Variants in FTCD observed in about 807,000 individuals in gnomAD.
The protein encoded by FTCD is formimidoyltransferase-cyclodeaminase.
Under a neutral mutation model 62.9 loss-of-function variants are expected in FTCD, and 76 were observed. That is an observed-to-expected ratio of 1.21 (90% CI 1.00 to 1.46). The LOEUF (loss-of-function observed/expected upper bound fraction) is 1.46, where lower values mean the gene tolerates loss of function less well. FTCD is among the 40% of genes most tolerant of loss of function. The probability of loss-of-function intolerance (pLI) is 0.00; values close to 1 mark genes in which losing one functional copy is unlikely to be tolerated. For missense variants in FTCD, 845 were observed against 751.3 expected, an observed-to-expected ratio of 1.12 and a Z score of -1.46; for synonymous variants, 397 against 336.9, an observed-to-expected ratio of 1.18 and a Z score of -1.95.
At position 46,150,072 on chromosome 21, in the gene FTCD, C is replaced by A. The variant is rs1454320327; in HGVS notation, c.906+47G>T. On this transcript the variant is annotated intron_variant, in intron 7 of 13. Transcript: ENST00000397746. Reference sequence around the variant, plus strand: ...GTGAGCTCCGCCACCGCCTCCCCACCCTCCCTGCACGCCCCTGTCCGACCC... The same window carrying A: ...GTGAGCTCCGCCACCGCCTCCCCACACTCCCTGCACGCCCCTGTCCGACCC... 1.9e-6 allele frequency: 3 copies of A among 1,568,320 alleles called. No homozygotes were observed. In the South Asian group the frequency reaches 3.4e-5, roughly 18 times the overall value.
intron 7 of FTCD, among the ~76,000 whole-genome samples, chr21:46,147,790 A>G (rs1392318567): frequency 6.6e-6 from 1 of 151,904 alleles, no homozygotes; most frequent in Non-Finnish European, 1.5e-5. Context: ...AAAAAAATAC[A>G]AAAATTAGCC....
In FTCD at chr21:46,150,379, C is replaced by T. The variant is rs539893640; in HGVS notation, c.774+9G>A. On this transcript the variant is annotated intron_variant, in intron 6 of 13. Transcript: ENST00000397746. ...CCCTCACAGCAGCAGCGGCTGCTCC[C>T]GGGCTCACCTGTGCTTCTCGGCAGG... The T allele has an allele frequency of 6.8e-6, 11 of 1,612,702 alleles. No individual in the cohort carries two copies. The highest frequency in any genetic ancestry group is 1.3e-5 in the African/African-American group (1 of 75,032).
chr21:46,155,460 C>T lies in FTCD; in HGVS notation c.54+10G>A, dbSNP rs201830431. ...AGCCCTAGATGCTTGACCAGCTCCT[C>T]GGGCCTCACCTCCTGGTTCTTCCCC... On this transcript the variant is annotated intron_variant, in intron 1 of 13. Transcript: ENST00000397746. 7.0e-5 allele frequency: 112 copies of T among 1,610,164 alleles called. No homozygotes were observed. The highest frequency in any genetic ancestry group is 5.0e-4 in the Middle Eastern group (3 of 6,060).
intron 12 of FTCD, among the ~76,000 whole-genome samples, chr21:46,138,188 G>A (rs111285089): frequency 2.0e-5 from 3 of 152,316 alleles, no homozygotes; most frequent in African/African-American, 7.2e-5. Flanking sequence ...ATTGTGCCTG[G>A]GCTGACATAG....
intron 2 of FTCD, 64 bp from the exon 3 acceptor site, chr21:46,153,099 G>A: frequency 6.7e-7 from 1 of 1,499,220 alleles, no homozygotes; most frequent in Non-Finnish European, 9.0e-7. Context: ...GCTCCACGGG[G>A]TTCTCGGACC....
intron 7 of FTCD, 92 bp from the exon 8 acceptor site, chr21:46,146,419 G>A: frequency 4.7e-6 from 4 of 855,830 alleles, no homozygotes; most frequent in East Asian, 2.6e-5. Flanking sequence ...TGCGGCAGCC[G>A]CCCCCTGCCC....
intron 10 of FTCD, chr21:46,142,807 C>T (rs972682690): frequency 6.6e-6 from 1 of 152,210 alleles, no homozygotes; most frequent in Non-Finnish European, 1.5e-5. Context: ...GTCCATTTTA[C>T]AGAGTGCTGA....
intron 10 of FTCD, among the ~76,000 whole-genome samples, chr21:46,140,987 C>G (rs555934849): frequency 6.6e-6 from 1 of 152,336 alleles, no homozygotes; most frequent in East Asian, 1.9e-4. Flanking sequence ...CTAGCACAGT[C>G]TCACTGTCCC....
In FTCD at chr21:46,150,196, C is replaced by G. The variant is rs2079233775; in HGVS notation, c.829G>C (p.Ala277Pro). 6.2e-7 allele frequency: 1 copy of G among 1,609,832 alleles called. No individual in the cohort carries two copies. Among genetic ancestry groups the G allele is most frequent in the Non-Finnish European group, 8.5e-7 (1 of 1,178,768 alleles). The stretch of plus-strand genomic sequence containing the variant: ...TAGAAGGCGGCCGCATCCAGCAGAG[C>G]CTTCAGGGGCACCAGGCCCACCAGC... ...SQLVGLVPLK[A>P]LLDAAAFYCE... The change falls in exon 7 of 14, where the codon GCT (alanine) becomes CCT (proline). Residue 277 changes from alanine to proline, a missense_variant. By Grantham distance (27) the Ala-to-Pro change is conservative (BLOSUM62 -1). Transcript: ENST00000397746.
At chr21:46,138,428 C>T in intron 12 of FTCD, 80 bp downstream of exon 12, 1 of 1,403,146 alleles carries the variant, frequency 7.1e-7, no homozygotes, top group Non-Finnish European at 9.7e-7. Flanking sequence ...CAGCCAACCA[C>T]CGTGCTCTCC....
chr21:46,136,434 G>A (rs759380899), downstream of FTCD: 4 of 1,612,464 alleles, frequency 2.5e-6, no homozygotes, highest in Admixed American at 3.3e-5. Context: ...CCTGCCGGGA[G>A]CTGCACCTGG....
At chr21:46,139,633 C>T (rs938739435) in intron 10 of FTCD, among the ~76,000 whole-genome samples, 2 of 152,246 alleles carry the variant, frequency 1.3e-5, no homozygotes, top group South Asian at 2.1e-4. Flanking sequence ...CCCCTACCCT[C>T]GACCATGGAT....
At chr21:46,150,081 A>T (rs2123554276) in intron 7 of FTCD, 38 bp downstream of exon 7, 3 of 1,332,178 alleles carry the variant, frequency 2.3e-6, no homozygotes, top group Non-Finnish European at 3.1e-6. Flanking sequence ...CCCTCCCTGC[A>T]CGCCCCTGTC....
At chr21:46,146,410 G>A in intron 7 of FTCD, 83 bp from the exon 8 acceptor site, 1 of 933,398 alleles carries the variant, frequency 1.1e-6, no homozygotes, top group Non-Finnish European at 1.7e-6. Context: ...TCCCACCCTT[G>A]CGGCAGCCGC....
intron 7 of FTCD, among the ~76,000 whole-genome samples, chr21:46,147,933 G>A (rs2010958): frequency 0.9 from 130,256 of 144,284 alleles, 59,029 homozygotes; most frequent in East Asian, 1. Context: ...ACAAAGTGAG[G>A]CTCCATCTCA....
intron 10 of FTCD, among the ~76,000 whole-genome samples, chr21:46,141,912 G>A (rs1321456997): frequency 2.0e-5 from 3 of 152,292 alleles, no homozygotes; most frequent in Non-Finnish European, 2.9e-5. Context: ...TGGGTGCCCT[G>A]GGCCCCCCCG....
chr21:46,146,276 G>A lies in FTCD; in HGVS notation c.958C>T (p.Arg320Trp). The A allele has an allele frequency of 1.2e-6, 2 of 1,600,740 alleles. No homozygotes were observed. Among genetic ancestry groups the A allele is most frequent in the Non-Finnish European group, 1.7e-6 (2 of 1,172,310 alleles). The part of the protein sequence containing the change: ...DSLCPFSPKE[R>W]IIEYLVPERG... ...AGGGCAGAGGCTCACTCGATGATCC[G>A]CTCCTTAGGGCTGAAGGGGCACAGG... The change falls in exon 8 of 14, where the codon CGG (arginine) becomes TGG (tryptophan). Residue 320 changes from arginine (R) to tryptophan (W), a missense_variant. By Grantham distance (101) the Arg-to-Trp change is moderately radical. Coordinates refer to ENST00000397746, the MANE Select transcript of FTCD (RefSeq NM_206965.2).
rs1353293128 is a variant in FTCD at position 46,146,299 on chromosome 21, A to G, written c.935T>C (p.Leu312Pro). 6.2e-7 allele frequency: 1 copy of G among 1,605,264 alleles called. No individual in the cohort carries two copies. Among genetic ancestry groups the G allele is most frequent in the South Asian group, 1.1e-5 (1 of 89,670 alleles). ...CCGCTCCTTAGGGCTGAAGGGGCAC[A>G]GGGAGTCCAGGCCCAGCCGGCTCAC... ...LVVSRLGLDSLCPFSPKERII... is the reference protein window; with the variant it reads ...LVVSRLGLDSPCPFSPKERII... The change falls in exon 8 of 14, where the codon CTG becomes CCG. Residue 312 changes from leucine to proline, a missense_variant. Leu to Pro is a moderately conservative substitution (Grantham distance 98, BLOSUM62 -3). Transcript: ENST00000397746.
intron 10 of FTCD, among the ~76,000 whole-genome samples, chr21:46,144,873 G>A (rs1043281766): frequency 1.7e-4 from 26 of 150,428 alleles, no homozygotes; most frequent in African/African-American, 6.1e-4. Flanking sequence ...ACCCATCTGT[G>A]GGCACATCCT....
Sources: gnomAD v4.1 joint callset for allele counts (sites outside exome capture counted in the v4.1 genomes callset) on GRCh38, gnomAD v4.1.1 for gene constraint, MANE v1.5 for transcripts, NCBI Gene and HGNC (gene_info 2026-07-23, HGNC 2026-07-21) for gene names.